Variants in TNK2 observed in about 807,000 individuals in gnomAD.
The protein encoded by TNK2 is tyrosine kinase non receptor 2, also known as activated CDC42 kinase 1.
A neutral mutation model predicts 101.8 loss-of-function variants in TNK2; 83 were observed. The ratio of observed to expected loss-of-function variants is 0.82; its 90% CI spans 0.68 to 0.98. The LOEUF is 0.98. Among genes scored for constraint, TNK2 ranks in the 50% least tolerant of loss-of-function variants. TNK2 has a pLI of 0.00. For synonymous variants in TNK2, 804 were observed against 633.0 expected (o/e 1.27, Z -4.06); for missense variants, 1,665 against 1,483.2 (o/e 1.12, Z -2.01).
rs746708442 is a variant in TNK2, at chr3:195,870,208, G to T, written c.1452-3C>A. ...CCATGGGGTTTCCCAGATACAGTCT[G>T]TGGGGGAGAGAGCTGGGTCAAGAGA... On this transcript the variant is annotated splice_polypyrimidine_tract_variant and splice_region_variant and intron_variant, in intron 10 of 15. Coordinates refer to ENST00000672887, the MANE Select transcript of TNK2 (RefSeq NM_001382273.1). 6.3e-6 allele frequency: 10 copies of T among 1,594,742 alleles called. No individual in the cohort carries two copies. Among genetic ancestry groups the T allele is most frequent in the Middle Eastern group, 1.7e-4 (1 of 6,026 alleles).
chr3:195,865,605 G>C (rs916975912), intron 15 of TNK2, among the ~76,000 whole-genome samples: 4 of 147,688 alleles, frequency 2.7e-5, no homozygotes, highest in Non-Finnish European at 4.5e-5. Flanking sequence ...GCGAATGCCT[G>C]CGTCCCAGGT....
Position 195,878,142 on chromosome 3 carries a change from GCCTGTATGTGGCCAA to G in TNK2, c.1256+96_1256+110del. On this transcript the variant is annotated intron_variant, in intron 9 of 15. Transcript: ENST00000672887. The surrounding 1 kb of genome is among the most constrained non-coding windows in gnomAD (Gnocchi z 4.7). ...CTGCAGGGTTCAGGCCCAACCGCCA[GCCTGTATGTGGCCAA>G]GGGAATCTTGGAGGCCAAACAGATC... 5 of 1,164,486 alleles carry G rather than the reference GCCTGTATGTGGCCAA, an allele frequency of 4.3e-6. No individual in the cohort carries two copies. The highest frequency in any genetic ancestry group is 5.1e-6 in the Non-Finnish European group (4 of 783,786). 72.1% of individuals were successfully genotyped at this position (1,164,486 alleles called of 1,614,324 possible). A position where few individuals can be genotyped will look rare whatever the true frequency, so the allele number is the denominator to read the frequency against.
At chr3:195,877,078 C>G (rs1300112301) in intron 9 of TNK2, among the ~76,000 whole-genome samples, 1 of 152,136 alleles carries the variant, frequency 6.6e-6, no homozygotes, top group Non-Finnish European at 1.5e-5. Flanking sequence ...GGGACCCCCC[C>G]ACCCTTAATC....
In TNK2 at chr3:195,866,162, T is replaced by C. The variant is rs375322494; in HGVS notation, c.3161+727A>G. On this transcript the variant is annotated intron_variant, in intron 15 of 15. Transcript: ENST00000672887. ...GTCTATATATTTTGTTAAACTATAA[T>C]ATAAACCTTTTACAGGAAAGACAAT... Among the ~76,000 whole-genome samples, 63 of 152,350 alleles carry C rather than the reference T, an allele frequency of 4.1e-4. No homozygotes were observed. In the Middle Eastern group the frequency reaches 0.01, roughly 25 times the overall value.
intron 10 of TNK2, 159 bp from the exon 11 acceptor site, chr3:195,870,364 C>T: frequency 6.7e-7 from 1 of 1,493,384 alleles, no homozygotes; most frequent in Non-Finnish European, 9.0e-7. Context: ...CCGCACGTCT[C>T]AGCTGGGGGG....
rs1046310230 is a variant in TNK2, at chr3:195,886,883, T to G, written c.234+94A>C. 1 of 1,403,222 alleles carries G rather than the reference T, an allele frequency of 7.1e-7. No individual in the cohort carries two copies. The highest frequency in any genetic ancestry group is 1.0e-6 in the Non-Finnish European group (1 of 988,702). 86.9% of individuals were successfully genotyped at this position (1,403,222 alleles called of 1,614,324 possible). On this transcript the variant is annotated intron_variant, in intron 3 of 15. Transcript: ENST00000672887. This position sits in a 1 kb window ranked among gnomAD's most constrained non-coding sequence, Gnocchi z 4.2. ...GCCGGCAGAACGGCGAGATTCGACC[T>G]GCCGGGGAGCTGGGGAAGGTTCCCA...
intron 6 of TNK2, among the ~76,000 whole-genome samples, chr3:195,879,728 G>C (rs2149474323): frequency 6.6e-6 from 1 of 152,216 alleles, no homozygotes; most frequent in East Asian, 1.9e-4. Context: ...ATCCCGGCGT[G>C]GACTGAGGTG....
In TNK2 at chr3:195,872,380, C is replaced by T. The variant is rs141375696; in HGVS notation, c.1347G>A (p.Leu449=). 1.2e-6 allele frequency: 2 copies of T among 1,613,254 alleles called. No homozygotes were observed. Among genetic ancestry groups the T allele is most frequent in the African/African-American group, 1.3e-5 (1 of 74,938 alleles). ...GGGGCTGGCTGATGTCCTGGGCCGACAGGCCGGCCACGGAGGTCACCACGT... is the reference window on the plus strand; with the variant it reads ...GGGGCTGGCTGATGTCCTGGGCCGATAGGCCGGCCACGGAGGTCACCACGT... ...PRNVVTSVAG[L]SAQDISQPLQ... is the part of the protein sequence containing the mutation. The change falls in exon 10 of 16, where the codon CTG becomes CTA. Residue 449 remains leucine, a synonymous_variant. Transcript: ENST00000672887.
chr3:195,890,413 C>T (rs1757895932), intron 1 of TNK2, among the ~76,000 whole-genome samples: 1 of 151,552 alleles, frequency 6.6e-6, no homozygotes, highest in South Asian at 2.1e-4. Context: ...AATATGATCC[C>T]ACTTTATATA....
In TNK2 at chr3:195,878,563, C is replaced by T. The variant is rs376581338; in HGVS notation, c.1044G>A (p.Glu348=). ...QILHKIDKEG[E]RLPRPEDCPQ... is the part of the protein sequence containing the mutation. ...GACAGTCCTCGGGCCGGGGCAGCCG[C>T]TCCCCCTCCTTGTCGATCTTATGCA... The change falls in exon 8 of 16, where the codon GAG becomes GAA. Residue 348 remains glutamate (E), a synonymous_variant. Coordinates refer to ENST00000672887, the MANE Select transcript of TNK2 (RefSeq NM_001382273.1). The surrounding 1 kb of genome is among the most constrained non-coding windows in gnomAD (Gnocchi z 4.7). 90 of 1,613,336 alleles carry T rather than the reference C, an allele frequency of 5.6e-5. No homozygotes were observed. The highest frequency in any genetic ancestry group is 7.3e-5 in the Non-Finnish European group (86 of 1,179,996).
chr3:195,881,790 T>C (rs1283976868), intron 6 of TNK2, among the ~76,000 whole-genome samples: 1 of 138,568 alleles, frequency 7.2e-6, no homozygotes, highest in Non-Finnish European at 1.6e-5. Context: ...TATCCCCGTA[T>C]CACCCCACCC....
chr3:195,889,863 A>G (rs961630849), intron 1 of TNK2, among the ~76,000 whole-genome samples: 1 of 152,198 alleles, frequency 6.6e-6, no homozygotes, highest in African/African-American at 2.4e-5. Context: ...CCAAAGAGGA[A>G]CAGGCGAGAG....
chr3:195,907,964 T>A (rs780697349), intron 1 of TNK2: 1 of 152,328 alleles, frequency 6.6e-6, no homozygotes, highest in African/African-American at 2.4e-5. Context: ...CAGGACGGCG[T>A]GGCAGAAGCG....
chr3:195,877,702 T>G (rs1432828067), intron 9 of TNK2, among the ~76,000 whole-genome samples: 1 of 151,914 alleles, frequency 6.6e-6, no homozygotes, highest in Non-Finnish European at 1.5e-5. Flanking sequence ...AGACAGGGAC[T>G]CCCGAGAGGC....
chr3:195,892,128 C>T, intron 1 of TNK2: 1 of 596,494 alleles, frequency 1.7e-6, no homozygotes, highest in Non-Finnish European at 2.5e-6. Flanking sequence ...GCAGCTCCTC[C>T]AGAGTTCAAA....
At chr3:195,875,802 C>T (rs1010656707) in intron 9 of TNK2, among the ~76,000 whole-genome samples, 4 of 152,178 alleles carry the variant, frequency 2.6e-5, no homozygotes, top group Non-Finnish European at 4.4e-5. Flanking sequence ...GAACCTTCTA[C>T]CTCCTGCTGC....
chr3:195,902,174 A>C (rs571115579), intron 1 of TNK2, among the ~76,000 whole-genome samples: 9 of 152,330 alleles, frequency 5.9e-5, no homozygotes, highest in African/African-American at 1.7e-4. Context: ...CTGACCCAAG[A>C]AAATCACAAA....
intron 6 of TNK2, among the ~76,000 whole-genome samples, chr3:195,880,037 G>A (rs559181610): frequency 9.9e-5 from 15 of 152,234 alleles, no homozygotes; most frequent in African/African-American, 2.4e-4. Context: ...ATGACCATGC[G>A]TCCTGGATCA....
rs755180846 is a variant in TNK2, at chr3:195,878,497, G to T, written c.1110C>A (p.His370Gln). The T allele has an allele frequency of 1.2e-6, 2 of 1,613,968 alleles. No homozygotes were observed. The highest frequency in any genetic ancestry group is 2.2e-5 in the South Asian group (2 of 91,092). ...IYNVMVQCWA[H>Q]KPEDRPTFVA... is the part of the protein sequence containing the mutation. ...CAAACGTGGGTCTGTCCTCTGGCTTGTGAGCCCAGCACTGGACCATGACGT... is the reference window on the plus strand; with the variant it reads ...CAAACGTGGGTCTGTCCTCTGGCTTTTGAGCCCAGCACTGGACCATGACGT... The change falls in exon 8 of 16, where the codon CAC (histidine) becomes CAA (glutamine). Residue 370 changes from histidine to glutamine, a missense_variant. His to Gln is a conservative substitution (Grantham distance 24). Coordinates refer to ENST00000672887, the MANE Select transcript of TNK2 (RefSeq NM_001382273.1). The surrounding 1 kb of genome is among the most constrained non-coding windows in gnomAD (Gnocchi z 4.7).
Sources: gnomAD v4.1 joint callset for allele counts (sites outside exome capture counted in the v4.1 genomes callset) on GRCh38, gnomAD v4.1.1 for gene constraint, Gnocchi (gnomAD v3.1) non-coding constraint, MANE v1.5 for transcripts, NCBI Gene and HGNC (gene_info 2026-07-23, HGNC 2026-07-21) for gene names.